Variants in CPVL observed in about 807,000 individuals in gnomAD.
The protein encoded by CPVL is probable serine carboxypeptidase CPVL.
CPVL carries 51 observed loss-of-function variants against 63.7 expected under a neutral mutation model. That is an observed-to-expected ratio of 0.80 (90% CI 0.64 to 1.01). CPVL has a LOEUF of 1.01. Among genes scored for constraint, CPVL ranks in the 50% least tolerant of loss-of-function variants. The pLI, the probability that CPVL is intolerant of heterozygous loss-of-function variation, is 0.00. For missense variants in CPVL, 530 were observed against 573.1 expected (o/e 0.92, Z 0.77); for synonymous variants, 195 against 206.0 (o/e 0.95, Z 0.46).
chr7:29,134,441 C>G (rs930349886), intron 1 of CPVL, among the ~76,000 whole-genome samples: 1 of 152,136 alleles, frequency 6.6e-6, no homozygotes, highest in African/African-American at 2.4e-5. Context: ...TTGAGCAAAG[C>G]CTCCAACTTG....
chr7:29,065,907 A>G lies in CPVL; in HGVS notation c.963+116T>C, dbSNP rs1194998580. Reference sequence around the variant, plus strand: ...GTTAGTAGACCACATCACGCGGTACAGTTTGGACATGTTGGTCTAGTATAA... The same window carrying G: ...GTTAGTAGACCACATCACGCGGTACGGTTTGGACATGTTGGTCTAGTATAA... On this transcript the variant is annotated intron_variant, in intron 10 of 12. Transcript: ENST00000265394. 1.2e-5 allele frequency: 7 copies of G among 602,824 alleles called. No homozygotes were observed. In the East Asian group the frequency reaches 1.7e-4, roughly 14 times the overall value. The allele number at this position is 602,824 out of a possible 1,614,324, so 37.3% of individuals were successfully genotyped here.
chr7:29,108,306 T>C (rs1340403856), intron 3 of CPVL, among the ~76,000 whole-genome samples: 2 of 152,250 alleles, frequency 1.3e-5, no homozygotes, highest in Non-Finnish European at 2.9e-5. Context: ...ATGTGTCCAA[T>C]GAATTATCTA....
At chr7:28,995,233 A>ACTT (rs1170201693), downstream of CPVL, 2 of 152,350 alleles carry the variant, frequency 1.3e-5, no homozygotes, top group Non-Finnish European at 1.5e-5. Flanking sequence ...ACTCATCATT[A>ACTT]CTTTTATATA....
intron 4 of CPVL, among the ~76,000 whole-genome samples, chr7:29,182,144 T>C (rs1393924971): frequency 6.6e-6 from 1 of 152,212 alleles, no homozygotes; most frequent in South Asian, 2.1e-4. Context: ...TGTCTTCCTC[T>C]TAATGAAAAC....
At position 29,120,969 on chromosome 7, in the gene CPVL, A is replaced by G. The variant is rs1427432207; in HGVS notation, c.93T>C (p.Val31=). 1 of 1,614,052 alleles carries G rather than the reference A, an allele frequency of 6.2e-7. No individual in the cohort carries two copies. Among genetic ancestry groups the G allele is most frequent in the Non-Finnish European group, 8.5e-7 (1 of 1,179,986 alleles). The change falls in exon 2 of 13, where the codon GTT becomes GTC. Residue 31 remains valine, a synonymous_variant. Coordinates refer to ENST00000265394, the MANE Select transcript of CPVL (RefSeq NM_031311.5). ...CTGAGTCTCCCTTAGGTGGCATGGA[A>G]ACACTTCTGTATAGGGAGCGAAACA... The part of the protein sequence containing the change: ...DGLFRSLYRS[V]SMPPKGDSGQ...
intron 5 of CPVL, among the ~76,000 whole-genome samples, chr7:29,168,923 T>C (rs1014022888): frequency 4.6e-5 from 7 of 152,172 alleles, no homozygotes; most frequent in South Asian, 2.1e-4. Flanking sequence ...CTATTCGCCA[T>C]GTTTTAAGTA....
At chr7:29,193,055 A>G (rs948405109) in intron 1 of CPVL, 8 of 152,278 alleles carry the variant, frequency 5.3e-5, no homozygotes, top group African/African-American at 1.9e-4. Context: ...AAAATGAAGG[A>G]TAGTGGTAGG....
chr7:29,189,687 C>A (rs934416013), intron 1 of CPVL, among the ~76,000 whole-genome samples: 5 of 152,126 alleles, frequency 3.3e-5, no homozygotes. Flanking sequence ...CTCGGCCCCC[C>A]ACCCCCTACA....
At position 29,030,491 on chromosome 7, in the gene CPVL, C is replaced by T. The variant is rs563615843; in HGVS notation, c.1320+86G>A. 7.5e-4 allele frequency: 972 copies of T among 1,287,884 alleles called. 6 individuals are homozygous for T. The highest frequency in any genetic ancestry group is 1.9e-3 in the Middle Eastern group (10 of 5,182). The allele number at this position is 1,287,884 out of a possible 1,614,324, so 79.8% of individuals were successfully genotyped here. A position where few individuals can be genotyped will look rare whatever the true frequency, so the allele number is the denominator to read the frequency against. On this transcript the variant is annotated intron_variant, in intron 12 of 12. Transcript: ENST00000265394. ...GCTGTTGTATGGCTTTGCTTAAGGT[C>T]GGCCATGTCTCATTGCTATTCAGGC... is the stretch of plus-strand genomic sequence containing the variant.
At chr7:29,059,446 T>A (rs2128558186) in intron 11 of CPVL, among the ~76,000 whole-genome samples, 1 of 152,298 alleles carries the variant, frequency 6.6e-6, no homozygotes, top group Non-Finnish European at 1.5e-5. Context: ...GCAAAAATTA[T>A]CGATAAAATA....
chr7:29,099,588 T>C (rs1363284181), intron 3 of CPVL, among the ~76,000 whole-genome samples: 1 of 152,170 alleles, frequency 6.6e-6, no homozygotes, highest in Non-Finnish European at 1.5e-5. Context: ...GGCAGATGCC[T>C]GTAATCCTAG....
chr7:29,053,818 T>G (rs1909401), intron 11 of CPVL, among the ~76,000 whole-genome samples: 22 of 146,822 alleles, frequency 1.5e-4, no homozygotes, highest in African/African-American at 5.3e-4. Flanking sequence ...TTTGGAAGGC[T>G]GAGGTGGGAG....
chr7:29,195,314 G>A (rs746762839), upstream of CPVL: 45 of 319,958 alleles, frequency 1.4e-4, no homozygotes, highest in Admixed American at 1.0e-4. Context: ...TGGAGCGGGG[G>A]CTGGCGGGGC....
chr7:29,063,964 GT>G, intron 11 of CPVL, 96 bp downstream of exon 11: 2 of 755,640 alleles, frequency 2.6e-6, no homozygotes, highest in Non-Finnish European at 4.2e-6. Flanking sequence ...CATCATAAAA[GT>G]TAAAAAAAAA....
chr7:29,189,199 ACCT>A (rs944293132), intron 1 of CPVL, among the ~76,000 whole-genome samples: 2 of 151,802 alleles, frequency 1.3e-5, no homozygotes, highest in Non-Finnish European at 2.9e-5. Flanking sequence ...GATCTGCCCA[ACCT>A]CAGCCTCCCA....
At chr7:29,074,348 A>G (rs186465248) in intron 7 of CPVL, among the ~76,000 whole-genome samples, 146 of 152,306 alleles carry the variant, frequency 9.6e-4, no homozygotes, top group Non-Finnish European at 1.7e-3. Flanking sequence ...CATATGTCTG[A>G]AATTTGGTTT....
chr7:29,157,899 G>T (rs554940053), intron 5 of CPVL, among the ~76,000 whole-genome samples: 4 of 152,238 alleles, frequency 2.6e-5, no homozygotes, highest in African/African-American at 7.2e-5. Context: ...AAATGCTCCG[G>T]CAGTCCTTTC....
At chr7:29,000,144 T>C (rs901649325) in intron 12 of CPVL, among the ~76,000 whole-genome samples, 1 of 152,200 alleles carries the variant, frequency 6.6e-6, no homozygotes. Flanking sequence ...AACAGGGTTA[T>C]ACAAACACTT....
At chr7:29,067,436 G>A (rs1450312545) in intron 9 of CPVL, among the ~76,000 whole-genome samples, 1 of 152,116 alleles carries the variant, frequency 6.6e-6, no homozygotes, top group Non-Finnish European at 1.5e-5. Flanking sequence ...TGCTTTAGGA[G>A]GAGGCAGGGA....
Sources: gnomAD v4.1 joint callset for allele counts (sites outside exome capture counted in the v4.1 genomes callset) on GRCh38, gnomAD v4.1.1 for gene constraint, MANE v1.5 for transcripts, NCBI Gene and HGNC (gene_info 2026-07-23, HGNC 2026-07-21) for gene names.